Variants in DHRSX observed in about 807,000 individuals in gnomAD.
DHRSX encodes dehydrogenase/reductase X-linked, also known as polyprenol dehydrogenase.
Under a neutral mutation model 34.0 loss-of-function variants are expected in DHRSX, and 31 were observed. The observed-to-expected ratio is 0.91, with a 90% CI of 0.69 to 1.23. The LOEUF (loss-of-function observed/expected upper bound fraction) is 1.23, where lower values mean the gene tolerates loss of function less well. DHRSX is among the 50% of genes most tolerant of loss of function. DHRSX has a pLI of 0.00. For synonymous variants in DHRSX, 201 were observed against 183.8 expected, an observed-to-expected ratio of 1.09 and a Z score of -0.76; for missense variants, 414 against 428.1, an observed-to-expected ratio of 0.97 and a Z score of 0.29.
At chrX:2,458,185 T>C (rs5982954) in intron 1 of DHRSX, among the ~76,000 whole-genome samples, 34,804 of 149,318 alleles carry the variant, frequency 0.23, 4,468 homozygotes, top group African/African-American at 0.33. Context: ...GAGACCAACA[T>C]CGTGTACACA....
rs762616815 is a variant in DHRSX, at chrX:2,425,342, T to C, written c.110-38A>G. Reference sequence around the variant, plus strand: ...AAGAGAAAATCATCAAACTAAGATTTGAAAGCAGAGCACATATTTGTAAGA... The same window carrying C: ...AAGAGAAAATCATCAAACTAAGATTCGAAAGCAGAGCACATATTTGTAAGA... On this transcript the variant is annotated intron_variant, in intron 1 of 6. Transcript: ENST00000334651. 1.9e-6 allele frequency: 3 copies of C among 1,545,072 alleles called. No individual in the cohort carries two copies. In the South Asian group the frequency reaches 3.4e-5, roughly 17 times the overall value.
At chrX:2,367,452 A>T (rs1409160745) in intron 3 of DHRSX, among the ~76,000 whole-genome samples, 1 of 151,916 alleles carries the variant, frequency 6.6e-6, no homozygotes, top group African/African-American at 2.4e-5. Flanking sequence ...AAAAAGAAAA[A>T]AGAAAAAAAA....
chrX:2,310,101 C>T (rs1222033712), intron 3 of DHRSX, among the ~76,000 whole-genome samples: 1 of 152,052 alleles, frequency 6.6e-6, no homozygotes, highest in East Asian at 1.9e-4. Context: ...CTTGGTAAGC[C>T]AGAACCTCCG....
At chrX:2,420,222 C>T (rs1361712200) in intron 2 of DHRSX, among the ~76,000 whole-genome samples, 1 of 151,176 alleles carries the variant, frequency 6.6e-6, no homozygotes, top group Non-Finnish European at 1.5e-5. Context: ...TCCTGACCTA[C>T]ATGGTGAAAC....
chrX:2,322,673 C>G (rs78764767), intron 3 of DHRSX, among the ~76,000 whole-genome samples: 1 of 138,748 alleles, frequency 7.2e-6, no homozygotes, highest in African/African-American at 2.9e-5. Context: ...TGCGCCACCA[C>G]GCCCGGCTAA....
intron 3 of DHRSX, among the ~76,000 whole-genome samples, chrX:2,327,346 T>C (rs942698957): frequency 6.6e-6 from 1 of 152,112 alleles, no homozygotes; most frequent in African/African-American, 2.4e-5. Flanking sequence ...CTCACAGTAC[T>C]CCAACCACAG....
intron 1 of DHRSX, among the ~76,000 whole-genome samples, chrX:2,467,518 G>A (rs982135833): frequency 6.6e-6 from 1 of 152,106 alleles, no homozygotes; most frequent in African/African-American, 2.4e-5. Context: ...ACCAGAAACA[G>A]GAGACCGGAC....
intron 3 of DHRSX, among the ~76,000 whole-genome samples, chrX:2,330,318 T>C (rs1396709197): frequency 6.6e-6 from 1 of 151,304 alleles, no homozygotes; most frequent in Non-Finnish European, 1.5e-5. Context: ...GTCAGGAGAC[T>C]GAGATCATCC....
chrX:2,456,506 C>T (rs1382854529), intron 1 of DHRSX, among the ~76,000 whole-genome samples: 2 of 148,854 alleles, frequency 1.3e-5, no homozygotes, highest in African/African-American at 5.0e-5. Context: ...CCCAGCTACT[C>T]GGGAGGCTGT....
intron 1 of DHRSX, among the ~76,000 whole-genome samples, chrX:2,473,290 G>A (rs113960305): frequency 0.2 from 30,802 of 151,354 alleles, 4,206 homozygotes; most frequent in African/African-American, 0.39. Flanking sequence ...GTCACAGGTG[G>A]AAACAGTTTA....
intron 3 of DHRSX, among the ~76,000 whole-genome samples, chrX:2,373,559 G>A (rs2043104761): frequency 6.6e-6 from 1 of 152,064 alleles, no homozygotes; most frequent in Non-Finnish European, 1.5e-5. Flanking sequence ...TGGAAACCAC[G>A]GCTGCTGCAA....
chrX:2,437,234 C>T (rs2044003122), intron 1 of DHRSX, among the ~76,000 whole-genome samples: 1 of 152,040 alleles, frequency 6.6e-6, no homozygotes, highest in Middle Eastern at 3.4e-3. Flanking sequence ...CTCCTGACCT[C>T]GTGATCCGCC....
intron 4 of DHRSX, among the ~76,000 whole-genome samples, chrX:2,291,097 G>A (rs62595530): frequency 0.16 from 24,614 of 152,162 alleles, 2,660 homozygotes; most frequent in Non-Finnish European, 0.23. Context: ...CTATCTGGGT[G>A]AGAATGTTGA....
chrX:2,329,752 G>A (rs73187651), intron 3 of DHRSX, among the ~76,000 whole-genome samples: 6 of 151,754 alleles, frequency 4.0e-5, no homozygotes, highest in East Asian at 3.9e-4. Flanking sequence ...ATCCTAGCCC[G>A]CAGGAAAGCT....
chrX:2,431,795 G>A (rs2043926820), intron 1 of DHRSX, among the ~76,000 whole-genome samples: 1 of 152,130 alleles, frequency 6.6e-6, no homozygotes, highest in African/African-American at 2.4e-5. Flanking sequence ...GAAAACTATT[G>A]AGTGCTGTGC....
At chrX:2,315,418 A>T (rs1429749450) in intron 3 of DHRSX, among the ~76,000 whole-genome samples, 1 of 152,136 alleles carries the variant, frequency 6.6e-6, no homozygotes, top group African/African-American at 2.4e-5. Context: ...ACATAAACAG[A>T]CTTAGACTAA....
At chrX:2,261,516 A>T (rs2041363123) in intron 5 of DHRSX, 1 of 152,122 alleles carries the variant, frequency 6.6e-6, no homozygotes. Flanking sequence ...TCATGCCTGT[A>T]ATCCACGCAC....
At position 2,232,794 on chromosome X, in the gene DHRSX, G is replaced by A. The variant is rs143456063; in HGVS notation, c.804+10229C>T. ...TCACCATGTTGGCCAGGCTGGTCTCGAACTCCTGACCTCATGATTCGCCCA... is the reference window on the plus strand; with the variant it reads ...TCACCATGTTGGCCAGGCTGGTCTCAAACTCCTGACCTCATGATTCGCCCA... On this transcript the variant is annotated intron_variant, in intron 6 of 6. Transcript: ENST00000334651. Among the ~76,000 whole-genome samples the A allele has an allele frequency of 1.4e-3, 210 of 151,836 alleles. 4 individuals carry two copies. The East Asian group carries it at 0.033, about 24-fold the overall frequency.
Position 2,500,931 on chromosome X carries a change from C to T in DHRSX, c.-6G>A, listed in dbSNP as rs1486153832. 3 of 1,065,888 alleles carry T rather than the reference C, an allele frequency of 2.8e-6. No individual in the cohort carries two copies. The highest frequency in any genetic ancestry group is 1.7e-5 in the African/African-American group (1 of 58,546). The allele number at this position is 1,065,888 out of a possible 1,614,324, so 66.0% of individuals were successfully genotyped here. On this transcript the variant is annotated 5_prime_UTR_variant, in exon 1 of 7. Coordinates refer to ENST00000334651, the MANE Select transcript of DHRSX (RefSeq NM_145177.3). ...GCCGCAGACAATGGCGACATGGCTG[C>T]CCCGGCCGCGCCGCCGCCGCTTCCG...
Sources: gnomAD v4.1 joint callset for allele counts (sites outside exome capture counted in the v4.1 genomes callset) on GRCh38, gnomAD v4.1.1 for gene constraint, MANE v1.5 for transcripts, NCBI Gene and HGNC (gene_info 2026-07-23, HGNC 2026-07-21) for gene names.